PPP1R1C: variants seen among roughly 807,000 people sequenced by gnomAD.
PPP1R1C encodes protein phosphatase 1 regulatory subunit 1C.
In PPP1R1C, 15 loss-of-function variants were observed where a neutral mutation model predicts 17.4. The ratio of observed to expected loss-of-function variants is 0.86; its 90% CI spans 0.58 to 1.33. PPP1R1C has a LOEUF of 1.33. Ranked by LOEUF, PPP1R1C falls within the 40% of genes most tolerant of loss-of-function variation. The pLI is 0.00. For synonymous variants in PPP1R1C, 35 were observed against 43.1 expected (o/e 0.81, Z 0.73); for missense variants, 143 against 130.0 (o/e 1.10, Z -0.48).
chr2:182,003,139 A>G (rs141801461), intron 2 of PPP1R1C, among the ~76,000 whole-genome samples: 79 of 152,242 alleles, frequency 5.2e-4, no homozygotes, highest in African/African-American at 1.9e-3. Context: ...CAATTTTTAA[A>G]CTACTGTGAT....
chr2:182,064,075 T>A (rs528102926), intron 4 of PPP1R1C: 1 of 369,118 alleles, frequency 2.7e-6, no homozygotes, highest in African/African-American at 2.1e-5. Flanking sequence ...TTCGCATACT[T>A]CCTTAAAGAG....
intron 5 of PPP1R1C, among the ~76,000 whole-genome samples, chr2:182,123,270 G>C (rs979121801): frequency 1.3e-5 from 2 of 152,284 alleles, no homozygotes; most frequent in South Asian, 4.1e-4. Context: ...CATTTGGGTT[G>C]GTTCCAAGTC....
chr2:182,061,364 T>A lies in PPP1R1C; in HGVS notation c.143-78T>A, dbSNP rs368070937. 66 of 976,490 alleles carry A rather than the reference T, an allele frequency of 6.8e-5. No homozygotes were observed. In the African/African-American group the frequency reaches 1.1e-3, roughly 16 times the overall value. The allele number at this position is 976,490 out of a possible 1,614,324, so 60.5% of individuals were successfully genotyped here. A position where few individuals can be genotyped will look rare whatever the true frequency, so the allele number is the denominator to read the frequency against. ...GCAATTATTAAATCATTTTTATCCG[T>A]GTTGTTGAAAATGTTAATATATATA... On this transcript the variant is annotated intron_variant, in intron 2 of 4. Transcript: ENST00000682840.
chr2:182,055,684 A>G (rs1687662184), intron 2 of PPP1R1C, among the ~76,000 whole-genome samples: 1 of 152,312 alleles, frequency 6.6e-6, no homozygotes, highest in South Asian at 2.1e-4. Context: ...CAGTACTTGA[A>G]GACCGTTGTG....
chr2:182,098,589 A>T (rs1438676715), intron 4 of PPP1R1C, among the ~76,000 whole-genome samples: 2 of 152,200 alleles, frequency 1.3e-5, no homozygotes, highest in African/African-American at 2.4e-5. Context: ...TCTTCGACAG[A>T]TGTAATCTGT....
upstream of PPP1R1C, among the ~76,000 whole-genome samples, chr2:181,983,896 C>T (rs540775818): frequency 6.6e-6 from 1 of 152,198 alleles, no homozygotes; most frequent in Non-Finnish European, 1.5e-5. Context: ...CAGGAGTTGG[C>T]CTCATAAAAA....
chr2:181,980,644 GCT>G (rs1685175249), intron 2 of PPP1R1C, among the ~76,000 whole-genome samples: 1 of 152,120 alleles, frequency 6.6e-6, no homozygotes, highest in Admixed American at 6.5e-5. Flanking sequence ...ATATGGACTT[GCT>G]ACAAACTCTT....
At chr2:182,062,196 A>C (rs1421784380) in intron 3 of PPP1R1C, among the ~76,000 whole-genome samples, 2 of 152,138 alleles carry the variant, frequency 1.3e-5, no homozygotes, top group Non-Finnish European at 2.9e-5. Flanking sequence ...CTTAAAGAGA[A>C]AAATGTAGAA....
chr2:181,993,399 CT>C (rs1685523375), intron 2 of PPP1R1C, among the ~76,000 whole-genome samples: 1 of 152,088 alleles, frequency 6.6e-6, no homozygotes, highest in Non-Finnish European at 1.5e-5. Context: ...AGGCCCAGAT[CT>C]TGAGGTACCA....
chr2:182,017,819 A>G (rs1460419991), intron 2 of PPP1R1C, among the ~76,000 whole-genome samples: 1 of 152,148 alleles, frequency 6.6e-6, no homozygotes, highest in South Asian at 2.1e-4. Flanking sequence ...CTGTACATCT[A>G]TTGTTAGTCT....
At chr2:181,956,097 G>T (rs565689056) in intron 1 of PPP1R1C, among the ~76,000 whole-genome samples, 2 of 152,144 alleles carry the variant, frequency 1.3e-5, no homozygotes, top group East Asian at 3.9e-4. Context: ...CCCTCCCTGT[G>T]CCCATATGTT....
At chr2:182,046,762 A>G (rs1167675542) in intron 2 of PPP1R1C, among the ~76,000 whole-genome samples, 1 of 151,916 alleles carries the variant, frequency 6.6e-6, no homozygotes, top group Non-Finnish European at 1.5e-5. Context: ...AAAGAAAGAA[A>G]TACGTTGATA....
intron 2 of PPP1R1C, among the ~76,000 whole-genome samples, chr2:182,019,259 C>T (rs1208820332): frequency 6.6e-6 from 1 of 152,156 alleles, no homozygotes; most frequent in Non-Finnish European, 1.5e-5. Context: ...CCTGAAGTTT[C>T]TTTGCATGGT....
downstream of PPP1R1C, chr2:182,130,681 C>T (rs977674124): frequency 5.9e-5 from 9 of 152,190 alleles, no homozygotes; most frequent in African/African-American, 2.2e-4. Context: ...AGCATATATT[C>T]TGTGGATGTG....
At chr2:181,954,594 C>G (rs375274851) in exon 1 of PPP1R1C, 63 of 152,146 alleles carry the variant, frequency 4.1e-4, no homozygotes, top group African/African-American at 1.5e-3. Flanking sequence ...GATATCTGAT[C>G]AAGAGTTAAG....
downstream of PPP1R1C, chr2:182,118,042 T>C (rs1689638464): frequency 6.6e-6 from 1 of 152,168 alleles, no homozygotes; most frequent in African/African-American, 2.4e-5. Flanking sequence ...TAGCTATTAC[T>C]TGAAATTTGG....
intron 4 of PPP1R1C, among the ~76,000 whole-genome samples, chr2:182,105,700 A>G (rs745510399): frequency 2.2e-4 from 33 of 152,232 alleles, no homozygotes; most frequent in Middle Eastern, 3.2e-3. Context: ...ATATAGTCTG[A>G]TAGCAGGTGC....
At chr2:182,125,375 C>T (rs1003760162) in intron 5 of PPP1R1C, among the ~76,000 whole-genome samples, 1 of 152,028 alleles carries the variant, frequency 6.6e-6, no homozygotes, top group Non-Finnish European at 1.5e-5. Flanking sequence ...TTTGTTGTGT[C>T]TCTGCCAGGT....
rs191262806 is a variant in PPP1R1C at position 181,994,641 on chromosome 2, T to G, written c.142+6742T>G. ...TCATGTTAGTCTAATATTCTTCTCTTAGTTTCTACTCTTAAAGCTGTTTAT... is the reference window on the plus strand; with the variant it reads ...TCATGTTAGTCTAATATTCTTCTCTGAGTTTCTACTCTTAAAGCTGTTTAT... On this transcript the variant is annotated intron_variant, in intron 2 of 4. Transcript: ENST00000682840. Among the ~76,000 whole-genome samples the G allele has an allele frequency of 2.0e-5, 3 of 152,332 alleles. No homozygotes were observed. The East Asian group carries it at 5.8e-4, about 29-fold the overall frequency.
Sources: gnomAD v4.1 joint callset for allele counts (sites outside exome capture counted in the v4.1 genomes callset) on GRCh38, gnomAD v4.1.1 for gene constraint, MANE v1.5 for transcripts, NCBI Gene and HGNC (gene_info 2026-07-23, HGNC 2026-07-21) for gene names.